The following PKHD1 variants were observed in gnomAD, a reference collection of about 807,000 sequenced individuals.
PKHD1 encodes fibrocystin.
In PKHD1, 291 loss-of-function variants were observed where a neutral mutation model predicts 412.0. That is an observed-to-expected ratio of 0.71 (90% CI 0.64 to 0.78). PKHD1 has a LOEUF of 0.78. Among genes scored for constraint, PKHD1 ranks in the 30% least tolerant of loss-of-function variants. PKHD1 has a pLI of 0.00. For synonymous variants in PKHD1, 1,777 were observed against 1,821.5 expected (o/e 0.98, Z 0.62); for missense variants, 4,825 against 4,950.7 (o/e 0.97, Z 0.76).
intron 36 of PKHD1, among the ~76,000 whole-genome samples, chr6:51,951,626 A>G (rs1253336741): frequency 6.6e-6 from 1 of 152,218 alleles, no homozygotes; most frequent in Non-Finnish European, 1.5e-5. Flanking sequence ...TTAATTTTAA[A>G]AATGAGAATA....
intron 60 of PKHD1, among the ~76,000 whole-genome samples, chr6:51,707,166 G>T (rs942862177): frequency 2.0e-5 from 3 of 152,146 alleles, no homozygotes; most frequent in African/African-American, 7.2e-5. Context: ...GCTGGGGAGT[G>T]ATTTCCAAAT....
At chr6:51,638,043 C>T (rs1768814513) in intron 64 of PKHD1, among the ~76,000 whole-genome samples, 1 of 152,130 alleles carries the variant, frequency 6.6e-6, no homozygotes, top group Non-Finnish European at 1.5e-5. Context: ...ATTTGTTTCA[C>T]TTACTATTTA....
intron 52 of PKHD1, among the ~76,000 whole-genome samples, chr6:51,819,690 G>T (rs543531970): frequency 1.2e-4 from 18 of 152,256 alleles, no homozygotes; most frequent in African/African-American, 4.3e-4. Context: ...CACATAATAA[G>T]TTATGCACCC....
chr6:51,887,718 AC>A (rs1322376889), intron 43 of PKHD1, among the ~76,000 whole-genome samples: 21 of 151,706 alleles, frequency 1.4e-4, no homozygotes, highest in Admixed American at 1.4e-3. Context: ...GAGACCTGAG[AC>A]CTCCCCAGAA....
At chr6:51,799,614 A>G (rs1396017733) in intron 52 of PKHD1, among the ~76,000 whole-genome samples, 1 of 152,198 alleles carries the variant, frequency 6.6e-6, no homozygotes, top group East Asian at 1.9e-4. Context: ...TTCTCCTTGT[A>G]TCACAATAAT....
chr6:51,731,044 C>T (rs923204375), intron 60 of PKHD1, among the ~76,000 whole-genome samples: 3 of 152,066 alleles, frequency 2.0e-5, no homozygotes, highest in African/African-American at 7.2e-5. Context: ...CCTCAGCCTC[C>T]CAAGTAGCTG....
intron 55 of PKHD1, among the ~76,000 whole-genome samples, chr6:51,766,191 C>T (rs55653899): frequency 0.37 from 56,565 of 151,834 alleles, 12,543 homozygotes; most frequent in African/African-American, 0.63. Context: ...TTTAAATAAC[C>T]ATGAACATAA....
At chr6:51,837,079 T>C (rs1562426704) in intron 50 of PKHD1, among the ~76,000 whole-genome samples, 2 of 152,138 alleles carry the variant, frequency 1.3e-5, no homozygotes, top group African/African-American at 2.4e-5. Context: ...GATAAACCAG[T>C]AGATTAAGCT....
chr6:52,029,276 A>C (rs746696576), intron 29 of PKHD1, among the ~76,000 whole-genome samples: 1 of 152,200 alleles, frequency 6.6e-6, no homozygotes, highest in Non-Finnish European at 1.5e-5. Flanking sequence ...CTTGCATTTC[A>C]GTGTCCTTTT....
chr6:51,988,178 T>C (rs752782760), intron 35 of PKHD1, among the ~76,000 whole-genome samples: 23 of 152,182 alleles, frequency 1.5e-4, no homozygotes, highest in Non-Finnish European at 2.6e-4. Flanking sequence ...CAACTTTCCT[T>C]GGTGATGAAA....
chr6:52,043,092 A>C lies in PKHD1; in HGVS notation c.2864T>G (p.Phe955Cys), dbSNP rs777158800. ...CTGCAAGAACTGGGAGTCACCAGAG[A>C]AACCAGTTCCGGTAATGTAAATCAT... ...NLMIYITGTG[F>C]SGDSQFLQVT... Residue 955 changes from phenylalanine (F) to cysteine (C), a missense_variant, in exon 27 of 67, where the codon TTC (phenylalanine) becomes TGC (cysteine). Transcript: ENST00000371117. 33 of 1,613,354 alleles carry C rather than the reference A, an allele frequency of 2.0e-5. No individual in the cohort carries two copies. The highest frequency in any genetic ancestry group is 2.8e-5 in the Non-Finnish European group (33 of 1,179,428).
intron 37 of PKHD1, among the ~76,000 whole-genome samples, chr6:51,920,772 A>T (rs1266880): frequency 1.4e-4 from 22 of 151,976 alleles, no homozygotes; most frequent in Non-Finnish European, 2.5e-4. Flanking sequence ...TTGGTTGGTA[A>T]GCTATTAATT....
chr6:51,930,888 G>A (rs899107992), intron 37 of PKHD1, among the ~76,000 whole-genome samples: 1 of 152,154 alleles, frequency 6.6e-6, no homozygotes, highest in African/African-American at 2.4e-5. Context: ...GGTGGGAAGA[G>A]AAGAGAAGAT....
At chr6:51,950,220 A>AAAAAAAAAAAAATAT in intron 36 of PKHD1, among the ~76,000 whole-genome samples, 2 of 98,328 alleles carry the variant, frequency 2.0e-5, no homozygotes, top group African/African-American at 3.8e-5. Context: ...GAAAAAAAAA[A>AAAAAAAAAAAAATAT]ATATATATAT....
At chr6:51,789,289 G>A (rs1182629583) in intron 53 of PKHD1, among the ~76,000 whole-genome samples, 1 of 152,102 alleles carries the variant, frequency 6.6e-6, no homozygotes, top group Non-Finnish European at 1.5e-5. Flanking sequence ...CCATCCTAAG[G>A]AAATGAAGAT....
chr6:52,058,045 T>C (rs927968615), intron 16 of PKHD1, among the ~76,000 whole-genome samples: 2 of 152,232 alleles, frequency 1.3e-5, no homozygotes, highest in Non-Finnish European at 2.9e-5. Flanking sequence ...GGCGTGTGTT[T>C]AGAGGACCTT....
chr6:51,775,755 A>C, intron 54 of PKHD1, 53 bp downstream of exon 54: 1 of 866,252 alleles, frequency 1.2e-6, no homozygotes. Flanking sequence ...ACACAAGCAC[A>C]CAATACACAC....
Position 52,022,659 on chromosome 6 carries a change from G to A in PKHD1, c.5380+142C>T, listed in dbSNP as rs1005535999. 250 of 778,606 alleles carry A rather than the reference G, an allele frequency of 3.2e-4. 1 individual carries two copies. In the Admixed American group the frequency reaches 5.1e-3, roughly 16 times the overall value. The allele number at this position is 778,606 out of a possible 1,614,324, so 48.2% of individuals were successfully genotyped here. A position where few individuals can be genotyped will look rare whatever the true frequency, so the allele number is the denominator to read the frequency against. On this transcript the variant is annotated intron_variant, in intron 33 of 66. Transcript: ENST00000371117. ...TCAGATTCTAACTATCATTTTAGATGAGGAGTAGAGAAATTCTTTTCCTAG... is the reference window on the plus strand; with the variant it reads ...TCAGATTCTAACTATCATTTTAGATAAGGAGTAGAGAAATTCTTTTCCTAG...
chr6:51,986,941 A>G (rs1037589514), intron 35 of PKHD1, among the ~76,000 whole-genome samples: 6 of 152,240 alleles, frequency 3.9e-5, no homozygotes, highest in Non-Finnish European at 8.8e-5. Context: ...CACACACATA[A>G]TCTAGCAGGA....
Sources: gnomAD v4.1 joint callset for allele counts (sites outside exome capture counted in the v4.1 genomes callset) on GRCh38, gnomAD v4.1.1 for gene constraint, MANE v1.5 for transcripts, NCBI Gene and HGNC (gene_info 2026-07-23, HGNC 2026-07-21) for gene names.